PGAP6: variants seen among roughly 807,000 people sequenced by gnomAD.
PGAP6 encodes post-GPI attachment to proteins factor 6.
In PGAP6, 62 loss-of-function variants were observed where a neutral mutation model predicts 68.4. The ratio of observed to expected loss-of-function variants is 0.91; its 90% CI spans 0.74 to 1.12. PGAP6 has a LOEUF of 1.12. Ranked by LOEUF, PGAP6 falls within the 50% of genes most tolerant of loss-of-function variation. The probability of loss-of-function intolerance (pLI) is 0.00; values close to 1 mark genes in which losing one functional copy is unlikely to be tolerated. For synonymous variants in PGAP6, 575 were observed against 474.0 expected, an observed-to-expected ratio of 1.21 and a Z score of -2.77; for missense variants, 1,188 against 1,068.5, an observed-to-expected ratio of 1.11 and a Z score of -1.56.
At chr16:374,615 G>C (rs140237610) in intron 9 of PGAP6, 141 bp downstream of exon 9, 1 of 1,240,288 alleles carries the variant, frequency 8.1e-7, no homozygotes, top group Non-Finnish European at 1.1e-6. Flanking sequence ...ATGGGGGAGT[G>C]GGGAGGAGGC....
At chr16:379,656 G>A (rs1298371113) in intron 1 of PGAP6, among the ~76,000 whole-genome samples, 3 of 152,202 alleles carry the variant, frequency 2.0e-5, no homozygotes, top group Admixed American at 1.3e-4. Context: ...GCCCTGGAGC[G>A]CCAGCCTGAG....
chr16:379,309 C>T (rs2054418997), intron 1 of PGAP6, among the ~76,000 whole-genome samples: 1 of 152,224 alleles, frequency 6.6e-6, no homozygotes, highest in Non-Finnish European at 1.5e-5. Context: ...CCCATAGAGG[C>T]ACCAGAAGAA....
rs746283104 is a variant in PGAP6 at position 374,746 on chromosome 16, T to C, written c.1576+10A>G. ...CAGCGTCTCGGGGCGGGCGGGGCCC[T>C]GGCACTCACCTGCCTTGCAGCTGCA... On this transcript the variant is annotated intron_variant, in intron 9 of 12. Transcript: ENST00000431232. 48 of 1,611,950 alleles carry C rather than the reference T, an allele frequency of 3.0e-5. No homozygotes were observed. The highest frequency in any genetic ancestry group is 4.0e-5 in the Non-Finnish European group (47 of 1,179,780).
In PGAP6 at chr16:377,684, C is replaced by T. The variant is rs367909295; in HGVS notation, c.286G>A (p.Ala96Thr). ...SRESGAACTD[A>T]EITVHFRSGA... Reference sequence around the variant, plus strand: ...GCAGCCACCTACACGGTGATCTCCGCGTCGGTGCAGGCAGCGCCGCTCTCC... The same window carrying T: ...GCAGCCACCTACACGGTGATCTCCGTGTCGGTGCAGGCAGCGCCGCTCTCC... The change falls in exon 2 of 13, where the codon GCG (alanine) becomes ACG (threonine). Residue 96 changes from alanine (A) to threonine (T), a missense_variant. By Grantham distance (58) the Ala-to-Thr change is moderately conservative (BLOSUM62 0). Transcript: ENST00000431232. 25 of 1,586,482 alleles carry T rather than the reference C, an allele frequency of 1.6e-5. No individual in the cohort carries two copies. Among genetic ancestry groups the T allele is most frequent in the Non-Finnish European group, 1.8e-5 (21 of 1,167,642 alleles).
chr16:377,212 T>C (rs1483915913), intron 3 of PGAP6, 48 bp from the exon 4 acceptor site: 1 of 1,610,812 alleles, frequency 6.2e-7, no homozygotes, highest in Middle Eastern at 1.7e-4. Flanking sequence ...AGAATGCAGG[T>C]GTGAGGGCAT....
At chr16:372,426 C>T in intron 12 of PGAP6, 143 bp from the exon 13 acceptor site, 1 of 1,037,162 alleles carries the variant, frequency 9.6e-7, no homozygotes, top group South Asian at 1.5e-5. Context: ...GGGCTCAAGG[C>T]CACTGGTCCT....
rs376351004 is a variant in PGAP6, at chr16:374,858, T to C, written c.1474A>G (p.Thr492Ala). 4.3e-6 allele frequency: 7 copies of C among 1,612,902 alleles called. No individual in the cohort carries two copies. Residue 492 changes from threonine to alanine, a missense_variant, in exon 9 of 13, where the codon ACC becomes GCC. By Grantham distance (58) the Thr-to-Ala change is moderately conservative. Coordinates refer to ENST00000431232, the MANE Select transcript of PGAP6 (RefSeq NM_021259.3). ...TTCAAACAGGGCACCAGGTACAAGG[T>C]GGTCTCCACGTGGACCACAGCCTGC... ...CEQAVVHVET[T>A]LYLVPCLNDC...
At chr16:372,540 G>A (rs781086629) in intron 12 of PGAP6, 71 bp downstream of exon 12, 3 of 1,268,900 alleles carry the variant, frequency 2.4e-6, no homozygotes, top group Non-Finnish European at 3.4e-6. Context: ...CCAGGAACGT[G>A]GCTAGAGCAA....
chr16:386,700 C>T (rs531796567), upstream of PGAP6: 122 of 422,868 alleles, frequency 2.9e-4, 1 homozygote, highest in African/African-American at 2.5e-3. Flanking sequence ...CATGGTGAAA[C>T]CCAGTCTCTA....
chr16:377,965 T>C (rs893884206), intron 1 of PGAP6, 117 bp from the exon 2 acceptor site: 35 of 867,742 alleles, frequency 4.0e-5, no homozygotes, highest in Non-Finnish European at 6.1e-5. Flanking sequence ...CCTGGAGATC[T>C]TGGCACACCA....
In PGAP6 at chr16:374,125, C is replaced by G. The variant is rs2054358221; in HGVS notation, c.1782G>C (p.Gly594=). 1 of 1,611,206 alleles carries G rather than the reference C, an allele frequency of 6.2e-7. No individual in the cohort carries two copies. Among genetic ancestry groups the G allele is most frequent in the Non-Finnish European group, 8.5e-7 (1 of 1,179,950 alleles). The change falls in exon 11 of 13, where the codon GGG becomes GGC. Residue 594 remains glycine, a synonymous_variant. Transcript: ENST00000431232. ...AGCTGAGGATGCACAGCACCGCCTC[C>G]CCGGGCTGGTCGCAGGCGTGGTAGA... The part of the protein sequence containing the change: ...STFYHACDQP[G]EAVLCILSYD...
chr16:375,080 C>A (rs2054369570), intron 8 of PGAP6, 53 bp downstream of exon 8: 1 of 1,603,062 alleles, frequency 6.2e-7, no homozygotes, highest in African/African-American at 1.3e-5. Context: ...GCCTGTGGTC[C>A]TGAGTGAAAT....
upstream of PGAP6, among the ~76,000 whole-genome samples, chr16:382,984 A>G (rs898894149): frequency 6.6e-6 from 1 of 152,160 alleles, no homozygotes; most frequent in African/African-American, 2.4e-5. Context: ...GCAGAAATGC[A>G]AATTAAAAAC....
At chr16:386,242 CAA>C (rs112419301), upstream of PGAP6, among the ~76,000 whole-genome samples, 1 of 140,224 alleles carries the variant, frequency 7.1e-6, no homozygotes. Flanking sequence ...TAAATAAAAG[CAA>C]AAAAAAAAAG....
At position 376,067 on chromosome 16, in the gene PGAP6, A is replaced by C. The variant is rs551102762; in HGVS notation, c.1224+69T>G. 4.4e-5 allele frequency: 63 copies of C among 1,444,444 alleles called. 1 individual carries two copies. In the East Asian group the frequency reaches 1.2e-3, roughly 28 times the overall value. 89.5% of individuals were successfully genotyped at this position (1,444,444 alleles called of 1,614,324 possible). On this transcript the variant is annotated intron_variant, in intron 6 of 12. Coordinates refer to ENST00000431232, the MANE Select transcript of PGAP6 (RefSeq NM_021259.3). ...CTGTCCCGTGCCAAGGTAAATGAGG[A>C]GGCGCTGCAGGGGTTGCCCGGCGCC... is the stretch of plus-strand genomic sequence containing the variant.
chr16:376,884 T>C, intron 4 of PGAP6, 72 bp from the exon 5 acceptor site: 3 of 1,576,636 alleles, frequency 1.9e-6, no homozygotes, highest in Non-Finnish European at 2.6e-6. Context: ...GCCCAGGCTC[T>C]GCTGTTCCTC....
intron 9 of PGAP6, 85 bp from the exon 10 acceptor site, chr16:374,484 C>A (rs1269584802): frequency 4.3e-6 from 6 of 1,390,738 alleles, no homozygotes; most frequent in East Asian, 2.5e-5. Context: ...TGCAGAGAAG[C>A]CCCTTCCTCA....
chr16:374,942 G>A, intron 8 of PGAP6, 50 bp from the exon 9 acceptor site: 2 of 1,608,902 alleles, frequency 1.2e-6, no homozygotes, highest in South Asian at 2.2e-5. Context: ...TGACAGCCCA[G>A]CTGCCACCAG....
Position 374,138 on chromosome 16 carries a change from CAG to C in PGAP6, c.1767_1768del (p.Cys590ArgfsTer125). 1 of 1,611,024 alleles carries C rather than the reference CAG, an allele frequency of 6.2e-7. No homozygotes were observed. The highest frequency in any genetic ancestry group is 8.5e-7 in the Non-Finnish European group (1 of 1,179,922). On this transcript the variant is annotated frameshift_variant, in exon 11 of 13. Coordinates refer to ENST00000431232, the MANE Select transcript of PGAP6 (RefSeq NM_021259.3). LOFTEE classifies it high-confidence loss of function. ...CAGCACCGCCTCCCCGGGCTGGTCG[CAG>C]GCGTGGTAGAACTGTGGGGAGGCTC...
Sources: gnomAD v4.1 joint callset for allele counts (sites outside exome capture counted in the v4.1 genomes callset) on GRCh38, gnomAD v4.1.1 for gene constraint, MANE v1.5 for transcripts, NCBI Gene and HGNC (gene_info 2026-07-23, HGNC 2026-07-21) for gene names.